Variants in DACH2 observed in about 807,000 individuals in gnomAD.
DACH2 encodes dachshund family transcription factor 2, also known as dachshund homolog 2.
In DACH2, 17 loss-of-function variants were observed where a neutral mutation model predicts 35.8. The observed-to-expected ratio is 0.48, with a 90% CI of 0.33 to 0.71. DACH2 has a LOEUF of 0.71. Among genes scored for constraint, DACH2 ranks in the 30% least tolerant of loss-of-function variants. The pLI is 0.02. For missense variants in DACH2, 469 were observed against 472.7 expected, an observed-to-expected ratio of 0.99 and a Z score of 0.07; for synonymous variants, 195 against 177.3, an observed-to-expected ratio of 1.10 and a Z score of -0.79.
intron 2 of DACH2, among the ~76,000 whole-genome samples, chrX:86,404,655 G>A (rs1341387865): frequency 3.6e-5 from 4 of 111,626 alleles, no homozygotes; most frequent in East Asian, 5.7e-4. Flanking sequence ...CCAGGTGCAC[G>A]ATGCAAGCTG....
intron 1 of DACH2, among the ~76,000 whole-genome samples, chrX:86,359,123 G>A (rs2035695566): frequency 9.6e-6 from 1 of 104,288 alleles, no homozygotes; most frequent in Admixed American, 1.1e-4. Context: ...GTTTGTGTGT[G>A]CATGTGTGTA....
chrX:86,340,014 A>AT (rs1306921369), intron 1 of DACH2, among the ~76,000 whole-genome samples: 1 of 111,952 alleles, frequency 8.9e-6, no homozygotes, highest in African/African-American at 3.2e-5. Flanking sequence ...TTTATGAAAT[A>AT]TTTTTTAAAA....
chrX:86,651,437 T>C (rs1161436653), intron 4 of DACH2, among the ~76,000 whole-genome samples: 1 of 108,969 alleles, frequency 9.2e-6, no homozygotes, highest in African/African-American at 3.3e-5. Context: ...GCCATTGTGC[T>C]CTCTGCCTGA....
intron 4 of DACH2, among the ~76,000 whole-genome samples, chrX:86,662,694 G>A (rs2040620056): frequency 9.0e-6 from 1 of 111,699 alleles, no homozygotes; most frequent in Non-Finnish European, 1.9e-5. Context: ...TTCTGGGGAA[G>A]TTGCCACTGG....
intron 3 of DACH2, among the ~76,000 whole-genome samples, chrX:86,596,809 A>G (rs6623729): frequency 0.1 from 11,099 of 110,935 alleles, 568 homozygotes; most frequent in East Asian, 0.26. Context: ...CAAAATCACC[A>G]AGATGTACCC....
chrX:86,364,166 C>T (rs1003103462), intron 1 of DACH2, among the ~76,000 whole-genome samples: 3 of 110,927 alleles, frequency 2.7e-5, no homozygotes. Context: ...TTGTTTGCCG[C>T]AATTGTTATG....
chrX:86,695,038 T>C lies in DACH2; in HGVS notation c.790T>C (p.Trp264Arg). The change falls in exon 5 of 12, where the codon TGG becomes CGG. Residue 264 changes from tryptophan to arginine, a missense_variant. Physicochemically the swap from Trp to Arg is moderately radical, Grantham distance 101. Coordinates refer to ENST00000373125, the MANE Select transcript of DACH2 (RefSeq NM_053281.3). ...TTTTTCAGGTGGAAGTGAATCCTCC[T>C]GGGATAAAGATAAGATGCAGTCTCC... is the stretch of plus-strand genomic sequence containing the variant. The part of the protein sequence containing the change: ...NSNTGGSESS[W>R]DKDKMQSPFA... The C allele has an allele frequency of 9.3e-7, 1 of 1,073,857 alleles. No homozygotes were observed. The highest frequency in any genetic ancestry group is 1.2e-6 in the Non-Finnish European group (1 of 820,135). 88.5% of individuals were successfully genotyped at this position (1,073,857 alleles called of 1,213,427 possible).
intron 7 of DACH2, among the ~76,000 whole-genome samples, chrX:86,808,342 G>A (rs2042364183): frequency 8.9e-6 from 1 of 112,053 alleles, no homozygotes; most frequent in South Asian, 3.7e-4. Context: ...ATTGGTTTTA[G>A]AGTATCTGTG....
intron 7 of DACH2, 46 bp downstream of exon 7, chrX:86,739,928 G>T: frequency 1.8e-6 from 2 of 1,116,765 alleles, no homozygotes; most frequent in Non-Finnish European, 2.4e-6. Flanking sequence ...ATTGTTTCTG[G>T]AAATTAGTTG....
intron 1 of DACH2, among the ~76,000 whole-genome samples, chrX:86,281,941 C>G (rs1395503923): frequency 1.8e-5 from 2 of 111,817 alleles, no homozygotes; most frequent in Non-Finnish European, 3.8e-5. Context: ...ATAAAATTTA[C>G]TAGGGATGTG....
chrX:86,304,783 G>C, intron 1 of DACH2: 1 of 160,755 alleles, frequency 6.2e-6, no homozygotes, highest in East Asian at 1.5e-4. Context: ...AAGTCACCCA[G>C]GACCTCTGCC....
rs372897089 is a variant in DACH2, at chrX:86,636,558, C to T, written c.641-14478C>T. ...TAGAGAGCCCAGAAATAAGGCCACA[C>T]GACTACAACTACCTGATCTTTGACA... On this transcript the variant is annotated intron_variant, in intron 3 of 11. Transcript: ENST00000373125. Among the ~76,000 whole-genome samples, 10 of 111,300 alleles carry T rather than the reference C, an allele frequency of 9.0e-5. No individual in the cohort carries two copies. In the East Asian group the frequency reaches 1.1e-3, roughly 13 times the overall value.
chrX:86,608,445 G>T (rs1308962352), intron 3 of DACH2, among the ~76,000 whole-genome samples: 1 of 111,904 alleles, frequency 8.9e-6, no homozygotes, highest in African/African-American at 3.2e-5. Flanking sequence ...TCATTGTTTA[G>T]TCTTTCTACT....
chrX:86,572,880 C>A (rs896232046), intron 3 of DACH2, among the ~76,000 whole-genome samples: 2 of 111,363 alleles, frequency 1.8e-5, no homozygotes, highest in African/African-American at 6.5e-5. Flanking sequence ...ACATGATGCT[C>A]CCTCCTCCCA....
At chrX:86,777,787 T>C (rs1199661752) in intron 7 of DACH2, among the ~76,000 whole-genome samples, 1 of 111,444 alleles carries the variant, frequency 9.0e-6, no homozygotes, top group Non-Finnish European at 1.9e-5. Flanking sequence ...TGTCATCCCT[T>C]GCCACATTCC....
intron 3 of DACH2, among the ~76,000 whole-genome samples, chrX:86,582,637 G>T (rs976215290): frequency 9.1e-6 from 1 of 109,745 alleles, no homozygotes; most frequent in Non-Finnish European, 1.9e-5. Context: ...TCCTGGAAAC[G>T]CACAACATCC....
chrX:86,221,847 G>A (rs2032718927), intron 1 of DACH2, among the ~76,000 whole-genome samples: 1 of 112,271 alleles, frequency 8.9e-6, no homozygotes, highest in East Asian at 2.8e-4. Flanking sequence ...CCAAGGTCAA[G>A]GTGTTGGGCA....
chrX:86,303,735 T>TATAC (rs1490650787), intron 1 of DACH2, among the ~76,000 whole-genome samples: 1 of 110,486 alleles, frequency 9.1e-6, no homozygotes, highest in Non-Finnish European at 1.9e-5. Context: ...ATACTATATA[T>TATAC]ATATATATCT....
chrX:86,511,867 T>C (rs2148268131), intron 2 of DACH2, among the ~76,000 whole-genome samples: 1 of 111,908 alleles, frequency 8.9e-6, no homozygotes, highest in African/African-American at 3.2e-5. Flanking sequence ...GAGTTGATCA[T>C]GTTTTGAAGC....
Sources: allele counts gnomAD v4.1 joint callset (sites outside exome capture counted in the v4.1 genomes callset), GRCh38; gene constraint gnomAD v4.1.1; transcripts MANE v1.5; gene names NCBI Gene and HGNC (gene_info 2026-07-23, HGNC 2026-07-21).